ZNG1F: variants seen among roughly 807,000 people sequenced by gnomAD.
ZNG1F encodes zinc-regulated GTPase metalloprotein activator 1F.
the ZNG1F span, among the ~76,000 whole-genome samples, chr9:41,195,512 G>A: frequency 7.8e-6 from 1 of 128,314 alleles, no homozygotes; most frequent in African/African-American, 2.8e-5. Flanking sequence ...AACATTGTTT[G>A]AATTCATTAT....
At chr9:41,146,143 A>G in the ZNG1F span, among the ~76,000 whole-genome samples, 21 of 146,476 alleles carry the variant, frequency 1.4e-4, 2 homozygotes, top group Admixed American at 4.2e-4. Flanking sequence ...GTCAAATTAA[A>G]TCCTTCCCAG....
At chr9:41,154,799 A>T in the ZNG1F span, among the ~76,000 whole-genome samples, 2 of 150,410 alleles carry the variant, frequency 1.3e-5, 1 homozygote, top group East Asian at 3.9e-4. Flanking sequence ...CCGGCTAGCC[A>T]TATGTCGAAA....
the ZNG1F span, among the ~76,000 whole-genome samples, chr9:41,152,292 G>C: frequency 1.4e-5 from 2 of 147,718 alleles, no homozygotes; most frequent in African/African-American, 5.0e-5. Flanking sequence ...AATTCAACAA[G>C]AAGAGCTAAC....
At chr9:41,183,715 C>T in the ZNG1F span, 1 of 1,603,752 alleles carries the variant, frequency 6.2e-7, no homozygotes, top group Non-Finnish European at 8.5e-7. Context: ...TGTCCATTAG[C>T]CAACAAAAAA....
At chr9:41,174,389 C>A in the ZNG1F span, 1 of 1,605,278 alleles carries the variant, frequency 6.2e-7, no homozygotes, top group African/African-American at 1.3e-5. Context: ...AAAAATATTT[C>A]TTCACATTGA....
the ZNG1F span, among the ~76,000 whole-genome samples, chr9:41,202,056 GC>G: frequency 2.5e-5 from 1 of 39,784 alleles, no homozygotes; most frequent in African/African-American, 5.5e-5. Flanking sequence ...CAGTTGATTT[GC>G]CTGAGGAGCT....
the ZNG1F span, among the ~76,000 whole-genome samples, chr9:41,185,673 A>G: frequency 1.3e-5 from 2 of 151,736 alleles, no homozygotes; most frequent in African/African-American, 2.4e-5. Context: ...CTCCATCTCA[A>G]AAAAAATAAA....
At chr9:41,195,164 A>G in the ZNG1F span, 5 of 86,684 alleles carry the variant, frequency 5.8e-5, no homozygotes, top group African/African-American at 1.6e-4. Flanking sequence ...GAGAGTTTCA[A>G]AATTAACCCA....
At chr9:41,203,017 G>T in the ZNG1F span, among the ~76,000 whole-genome samples, 18 of 152,146 alleles carry the variant, frequency 1.2e-4, no homozygotes, top group Non-Finnish European at 2.1e-4. Flanking sequence ...TTGTTTTGTA[G>T]AATGTTCCTT....
the ZNG1F span, chr9:41,165,038 G>A: frequency 3.2e-6 from 5 of 1,585,778 alleles, 1 homozygote; most frequent in Non-Finnish European, 4.3e-6. Flanking sequence ...TCTTCTTCTG[G>A]GACCAAGTCT....
the ZNG1F span, among the ~76,000 whole-genome samples, chr9:41,201,620 T>G: frequency 6.6e-3 from 916 of 137,970 alleles, no homozygotes; most frequent in African/African-American, 0.024. Flanking sequence ...GCACTATTGT[T>G]TTAAAGGTGA....
the ZNG1F span, among the ~76,000 whole-genome samples, chr9:41,166,404 A>G: frequency 9.3e-6 from 1 of 108,034 alleles, no homozygotes; most frequent in African/African-American, 3.6e-5. Context: ...TGACAGAGTG[A>G]GATTCTGTCT....
At chr9:41,147,684 A>AAG in the ZNG1F span, among the ~76,000 whole-genome samples, 1 of 129,186 alleles carries the variant, frequency 7.7e-6, no homozygotes, top group Non-Finnish European at 1.6e-5. Context: ...AAGGGGAAAA[A>AAG]AAAAAAAAAA....
the ZNG1F span, chr9:41,157,220 G>C: frequency 6.8e-6 from 1 of 147,000 alleles, no homozygotes; most frequent in African/African-American, 2.5e-5. Flanking sequence ...CCAGCACTTT[G>C]GGAGGCCGAG....
At chr9:41,193,001 G>C in the ZNG1F span, among the ~76,000 whole-genome samples, 2 of 151,812 alleles carry the variant, frequency 1.3e-5, no homozygotes, top group African/African-American at 4.8e-5. Context: ...CTAAGCATCT[G>C]ATAGGCACTG....
chr9:41,138,037 T>G, the ZNG1F span, among the ~76,000 whole-genome samples: 1 of 79,418 alleles, frequency 1.3e-5, no homozygotes, highest in African/African-American at 3.6e-5. Context: ...GTATACCTTG[T>G]TTTTTTGTTT....
At chr9:41,155,035 A>C in the ZNG1F span, among the ~76,000 whole-genome samples, 1 of 150,562 alleles carries the variant, frequency 6.6e-6, no homozygotes, top group African/African-American at 2.4e-5. Flanking sequence ...GCTTCTGCAC[A>C]GCAAAAGAAA....
chr9:41,193,017 A>T, the ZNG1F span, among the ~76,000 whole-genome samples: 4 of 151,634 alleles, frequency 2.6e-5, no homozygotes, highest in East Asian at 7.8e-4. Context: ...CACTGTGTTA[A>T]GCACATTAAA....
the ZNG1F span, chr9:41,132,159 T>G: frequency 3.2e-6 from 5 of 1,556,918 alleles, no homozygotes; most frequent in Non-Finnish European, 4.4e-6. Context: ...TCTGTTTAAG[T>G]GGCACATGAT....
Sources: gnomAD v4.1 joint callset for allele counts (sites outside exome capture counted in the v4.1 genomes callset) on GRCh38, gnomAD v4.1.1 for gene constraint, MANE v1.5 for transcripts, NCBI Gene and HGNC (gene_info 2026-07-23, HGNC 2026-07-21) for gene names.